NUF2: variants seen among roughly 807,000 people sequenced by gnomAD.
NUF2 encodes the protein kinetochore protein Nuf2.
A neutral mutation model predicts 61.8 loss-of-function variants in NUF2; 34 were observed. That is an observed-to-expected ratio of 0.55 (90% CI 0.42 to 0.73). The LOEUF (loss-of-function observed/expected upper bound fraction) is 0.73. Ranked by LOEUF, NUF2 falls within the 30% of genes least tolerant of loss-of-function variation. NUF2 has a pLI of 0.00. For missense variants in NUF2, 445 were observed against 539.1 expected (o/e 0.83, Z 1.73); for synonymous variants, 172 against 181.6 (o/e 0.95, Z 0.42).
At chr1:163,339,209 C>A in intron 7 of NUF2, 172 bp from the exon 8 acceptor site, 1 of 538,636 alleles carries the variant, frequency 1.9e-6, no homozygotes, top group Admixed American at 3.4e-5. Flanking sequence ...TTTTTATTTT[C>A]TGCCTGTAGT....
At chr1:163,328,578 A>G in intron 4 of NUF2, 1 of 505,084 alleles carries the variant, frequency 2.0e-6, no homozygotes. Context: ...TTGAGTTCTT[A>G]AAAGAGTCTT....
At chr1:163,322,671 C>A (rs1331976531) in intron 1 of NUF2, among the ~76,000 whole-genome samples, 1 of 152,160 alleles carries the variant, frequency 6.6e-6, no homozygotes. Flanking sequence ...GTGATGTCCA[C>A]AAATAGTTTA....
chr1:163,352,879 AT>A (rs1389731821), intron 13 of NUF2, among the ~76,000 whole-genome samples: 3 of 151,640 alleles, frequency 2.0e-5, no homozygotes, highest in Admixed American at 1.3e-4. Context: ...AAAAAAAAAA[AT>A]ATTCTATCTA....
At chr1:163,329,171 G>A (rs527965534) in intron 5 of NUF2, among the ~76,000 whole-genome samples, 1 of 151,894 alleles carries the variant, frequency 6.6e-6, no homozygotes, top group African/African-American at 2.4e-5. Context: ...TTGGGAATAT[G>A]ACTACAAATA....
chr1:163,352,204 A>G (rs1207757929), intron 13 of NUF2, among the ~76,000 whole-genome samples: 1 of 152,192 alleles, frequency 6.6e-6, no homozygotes, highest in Non-Finnish European at 1.5e-5. Flanking sequence ...TTGCTTTTAC[A>G]TGGTGGTACT....
intron 9 of NUF2, among the ~76,000 whole-genome samples, chr1:163,342,195 G>A (rs1182546345): frequency 6.6e-6 from 1 of 151,914 alleles, no homozygotes. Context: ...AGATCCTTGA[G>A]AAACTTACTC....
chr1:163,333,229 A>G (rs1473182617), intron 5 of NUF2, among the ~76,000 whole-genome samples: 1 of 152,158 alleles, frequency 6.6e-6, no homozygotes, highest in Non-Finnish European at 1.5e-5. Context: ...ATTTTATATT[A>G]ACATAGCTAC....
intron 8 of NUF2, among the ~76,000 whole-genome samples, chr1:163,340,020 C>T (rs943692274): frequency 2.0e-5 from 3 of 152,086 alleles, no homozygotes; most frequent in African/African-American, 7.2e-5. Flanking sequence ...CTCCAACGTA[C>T]GTGAATTTAT....
chr1:163,340,318 C>G lies in NUF2; in HGVS notation c.607-46C>G, dbSNP rs1650897584. The G allele has an allele frequency of 2.1e-6, 3 of 1,438,328 alleles. No homozygotes were observed. In the East Asian group the frequency reaches 6.9e-5, roughly 33 times the overall value. The allele number at this position is 1,438,328 out of a possible 1,614,324, so 89.1% of individuals were successfully genotyped here. A position where few individuals can be genotyped will look rare whatever the true frequency, so the allele number is the denominator to read the frequency against. On this transcript the variant is annotated intron_variant, in intron 8 of 13. Transcript: ENST00000271452. ...ATGAGACAGCAGTGAGTGGCTAAAT[C>G]TAAATGTTTTGAATCATTATAAAAC...
At chr1:163,333,215 C>T (rs1256414247) in intron 5 of NUF2, among the ~76,000 whole-genome samples, 2 of 152,066 alleles carry the variant, frequency 1.3e-5, no homozygotes, top group Non-Finnish European at 2.9e-5. Context: ...CTGAAATATA[C>T]TTGATTTTAT....
intron 7 of NUF2, among the ~76,000 whole-genome samples, chr1:163,339,106 A>G (rs1650856209): frequency 6.6e-6 from 1 of 152,034 alleles, no homozygotes. Context: ...GGCATACAAT[A>G]TTCATGTTAT....
intron 9 of NUF2, among the ~76,000 whole-genome samples, chr1:163,342,645 C>A (rs1404671590): frequency 6.6e-6 from 1 of 152,042 alleles, no homozygotes. Flanking sequence ...TCTCTCTTTA[C>A]ATACACACAC....
chr1:163,322,327 G>T (rs1162375663), intron 1 of NUF2, 115 bp downstream of exon 1: 1 of 152,222 alleles, frequency 6.6e-6, no homozygotes, highest in Non-Finnish European at 1.5e-5. Flanking sequence ...CGAAGAAGAC[G>T]AGCTTGAGCT....
At chr1:163,352,030 T>C (rs1396665539) in intron 13 of NUF2, among the ~76,000 whole-genome samples, 1 of 152,206 alleles carries the variant, frequency 6.6e-6, no homozygotes, top group Non-Finnish European at 1.5e-5. Context: ...TCTGACCTTT[T>C]CTTCACTTTC....
At chr1:163,334,831 C>G (rs919202176) in intron 5 of NUF2, among the ~76,000 whole-genome samples, 3 of 152,026 alleles carry the variant, frequency 2.0e-5, no homozygotes, top group Non-Finnish European at 2.9e-5. Flanking sequence ...TTTTCTTGAG[C>G]CCTCGGTGGA....
At chr1:163,336,350 C>G (rs1650757520) in intron 5 of NUF2, among the ~76,000 whole-genome samples, 1 of 152,172 alleles carries the variant, frequency 6.6e-6, no homozygotes. Context: ...TTCTCTTTCT[C>G]TGGAGTACAG....
rs2101697003 is a variant in NUF2 at position 163,355,421 on chromosome 1, T to C, written c.1347T>C (p.Asp449=). The C allele has an allele frequency of 6.2e-7, 1 of 1,607,644 alleles. No individual in the cohort carries two copies. Among genetic ancestry groups the C allele is most frequent in the South Asian group, 1.1e-5 (1 of 90,188 alleles). ...KAAEDSYAKI[D]EKTAELKRKM... ...CAGAGGACTCCTATGCTAAGATAGA[T>C]GAGAAGACAGCTGAACTGAAGAGGA... Residue 449 remains aspartate, a synonymous_variant, in exon 14 of 14, where the codon GAT becomes GAC. Coordinates refer to ENST00000271452, the MANE Select transcript of NUF2 (RefSeq NM_145697.3).
At chr1:163,328,789 C>A in intron 4 of NUF2, 57 bp from the exon 5 acceptor site, 3 of 1,033,964 alleles carry the variant, frequency 2.9e-6, no homozygotes, top group Non-Finnish European at 4.6e-6. Flanking sequence ...TATCCTATAG[C>A]TTAGCATTTA....
chr1:163,337,986 C>T (rs1650817336), intron 6 of NUF2, 34 bp from the exon 7 acceptor site: 6 of 1,496,222 alleles, frequency 4.0e-6, no homozygotes, highest in Non-Finnish European at 4.7e-6. Context: ...TGTTGAAATG[C>T]ACTAATATGA....
Sources: allele counts gnomAD v4.1 joint callset (sites outside exome capture counted in the v4.1 genomes callset), GRCh38; gene constraint gnomAD v4.1.1; transcripts MANE v1.5; gene names NCBI Gene and HGNC (gene_info 2026-07-23, HGNC 2026-07-21).